Variants in USP7 observed in about 807,000 individuals in gnomAD.
USP7 encodes ubiquitin specific peptidase 7.
In USP7, 9 loss-of-function variants were observed where a neutral mutation model predicts 162.9. That is an observed-to-expected ratio of 0.06 (90% CI 0.03 to 0.10). The LOEUF (loss-of-function observed/expected upper bound fraction) is 0.10. Among genes scored for constraint, USP7 ranks in the 10% least tolerant of loss-of-function variants. USP7 has a pLI of 1.00. For missense variants in USP7, 715 were observed against 1,373.7 expected (o/e 0.52, Z 7.58); for synonymous variants, 562 against 475.9 (o/e 1.18, Z -2.35).
intron 30 of USP7, 76 bp downstream of exon 30, chr16:8,894,456 GGCACTTGACCCTGGGGCT>G: frequency 7.9e-7 from 1 of 1,267,946 alleles, no homozygotes; most frequent in South Asian, 1.3e-5. Context: ...GAGAGGAGCT[GGCACTTGACCCTGGGGCT>G]GCCCCTCCCA....
chr16:8,902,641 G>A (rs1320548286), intron 16 of USP7, among the ~76,000 whole-genome samples, 159 bp from the exon 17 acceptor site: 1 of 152,108 alleles, frequency 6.6e-6, no homozygotes, highest in African/African-American at 2.4e-5. Context: ...TGTAATCCCA[G>A]CACTTTCGGA....
At position 8,906,303 on chromosome 16, in the gene USP7, G is replaced by A. The variant is rs181928259; in HGVS notation, c.1428+123C>T. On this transcript the variant is annotated intron_variant, in intron 13 of 30. Coordinates refer to ENST00000344836, the MANE Select transcript of USP7 (RefSeq NM_003470.3). ...ATGGGAAAACAGCATTTAGCAGCCA[G>A]AGAATACATAGATCAGTTAGGGGTC... 67 of 1,112,748 alleles carry A rather than the reference G, an allele frequency of 6.0e-5. No individual in the cohort carries two copies. The East Asian group carries it at 1.4e-3, about 23-fold the overall frequency. 68.9% of individuals were successfully genotyped at this position (1,112,748 alleles called of 1,614,324 possible).
Position 8,902,438 on chromosome 16 carries a change from C to T in USP7, c.1884G>A (p.Arg628=), listed in dbSNP as rs1567210656. The change falls in exon 17 of 31, where the codon AGG becomes AGA. Residue 628 remains arginine, a synonymous_variant. Transcript: ENST00000344836. ...TTGCTGGTCGTTTTGTTCCATTACT[C>T]CTTGCTTGCATGGGCCACAATCGAA... ...DQIRLWPMQA[R]SNGTKRPAML... is the part of the protein sequence containing the mutation. 6.2e-7 allele frequency: 1 copy of T among 1,614,032 alleles called. No individual in the cohort carries two copies. Among genetic ancestry groups the T allele is most frequent in the Non-Finnish European group, 8.5e-7 (1 of 1,180,022 alleles).
At chr16:8,900,891 A>T in intron 20 of USP7, 99 bp downstream of exon 20, 1 of 1,212,004 alleles carries the variant, frequency 8.3e-7, no homozygotes, top group Non-Finnish European at 1.2e-6. Flanking sequence ...GTTAGCTGGT[A>T]GACCTAACAC....
At position 8,893,202 on chromosome 16, in the gene USP7, T is replaced by C. The variant is rs1251962602; in HGVS notation, c.*796A>G. 6.6e-6 allele frequency: 1 copy of C among 152,266 alleles called. No individual in the cohort carries two copies. The highest frequency in any genetic ancestry group is 2.4e-5 in the African/African-American group (1 of 41,460). 9.4% of individuals were successfully genotyped at this position (152,266 alleles called of 1,614,324 possible). ...CATGCCCTCTTGCTAAAAGGCTTTC[T>C]TGTCGTCTGTTCCACTTTAACGAAA... On this transcript the variant is annotated 3_prime_UTR_variant, in exon 31 of 31. Transcript: ENST00000344836.
At chr16:8,895,765 A>G in intron 26 of USP7, 24 bp from the exon 27 acceptor site, 2 of 1,497,658 alleles carry the variant, frequency 1.3e-6, no homozygotes, top group East Asian at 2.3e-5. Flanking sequence ...AAAAAAAAAT[A>G]GGGCAAAATG....
intron 1 of USP7, chr16:8,935,603 G>T (rs1463081837): frequency 6.6e-6 from 1 of 152,200 alleles, no homozygotes; most frequent in Non-Finnish European, 1.5e-5. Context: ...AAACAGACAA[G>T]CCCTGGATGA....
intron 2 of USP7, among the ~76,000 whole-genome samples, chr16:8,926,116 T>C (rs1333174575): frequency 4.0e-5 from 6 of 148,822 alleles, no homozygotes; most frequent in African/African-American, 1.5e-4. Flanking sequence ...ATCGCGCCAC[T>C]GCACTCTAGC....
chr16:8,920,317 C>A, intron 5 of USP7, 42 bp downstream of exon 5: 2 of 1,551,880 alleles, frequency 1.3e-6, no homozygotes, highest in Non-Finnish European at 1.8e-6. Flanking sequence ...CACTGCAGCA[C>A]AAAAGACATT....
At chr16:8,955,159 T>G (rs1435655932) in intron 1 of USP7, among the ~76,000 whole-genome samples, 2 of 152,246 alleles carry the variant, frequency 1.3e-5, no homozygotes, top group South Asian at 4.1e-4. Context: ...ACCGCTGAAA[T>G]GTAATTTTAC....
At chr16:8,955,959 A>G (rs1899781249) in intron 1 of USP7, among the ~76,000 whole-genome samples, 2 of 152,142 alleles carry the variant, frequency 1.3e-5, no homozygotes. Context: ...AGACAGCCAG[A>G]TGTCAGATTA....
intron 6 of USP7, among the ~76,000 whole-genome samples, chr16:8,918,617 C>A (rs1428537739): frequency 6.6e-6 from 1 of 152,072 alleles, no homozygotes; most frequent in Non-Finnish European, 1.5e-5. Flanking sequence ...CGAGACCAGC[C>A]TGGACAACAT....
At chr16:8,945,771 T>C (rs1280370678) in intron 1 of USP7, among the ~76,000 whole-genome samples, 1 of 152,000 alleles carries the variant, frequency 6.6e-6, no homozygotes, top group Non-Finnish European at 1.5e-5. Flanking sequence ...ACAGATCCAC[T>C]GGGTGTGGTG....
chr16:8,908,876 ATGCC>A (rs2061900010), intron 11 of USP7, among the ~76,000 whole-genome samples: 4 of 152,262 alleles, frequency 2.6e-5, no homozygotes, highest in Non-Finnish European at 5.9e-5. Context: ...TGCTTATGAA[ATGCC>A]CAAACAGAAC....
intron 2 of USP7, among the ~76,000 whole-genome samples, chr16:8,929,990 G>A (rs1006894981): frequency 5.9e-5 from 9 of 152,314 alleles, no homozygotes; most frequent in Non-Finnish European, 1.3e-4. Flanking sequence ...AGTAAGACAT[G>A]CTTGTTGTTC....
chr16:8,960,319 A>C (rs1455494938), intron 1 of USP7, among the ~76,000 whole-genome samples: 3 of 152,092 alleles, frequency 2.0e-5, no homozygotes, highest in Non-Finnish European at 4.4e-5. Flanking sequence ...TCCGCACTTC[A>C]CCCTTCATCA....
chr16:8,944,283 G>C (rs1353435385), intron 1 of USP7, among the ~76,000 whole-genome samples: 1 of 151,276 alleles, frequency 6.6e-6, no homozygotes, highest in Non-Finnish European at 1.5e-5. Flanking sequence ...ACACCCCCTT[G>C]GCAGCTGAGA....
chr16:8,954,897 T>A (rs1313956909), intron 1 of USP7, among the ~76,000 whole-genome samples: 1 of 151,962 alleles, frequency 6.6e-6, no homozygotes, highest in Non-Finnish European at 1.5e-5. Flanking sequence ...GAGGCAGAGG[T>A]TGCAGTGAGC....
At chr16:8,913,905 C>T (rs981522917) in intron 10 of USP7, among the ~76,000 whole-genome samples, 4 of 151,788 alleles carry the variant, frequency 2.6e-5, no homozygotes, top group African/African-American at 9.7e-5. Context: ...CATGCCACCA[C>T]GCCCAGCTAA....
Sources: allele counts gnomAD v4.1 joint callset (sites outside exome capture counted in the v4.1 genomes callset), GRCh38; gene constraint gnomAD v4.1.1; transcripts MANE v1.5; gene names NCBI Gene and HGNC (gene_info 2026-07-23, HGNC 2026-07-21).